The following LITAF variants were observed in gnomAD, a reference collection of about 807,000 sequenced individuals.
LITAF encodes lipopolysaccharide-induced tumor necrosis factor-alpha factor.
LITAF carries 9 observed loss-of-function variants against 14.5 expected under a neutral mutation model. The ratio of observed to expected loss-of-function variants is 0.62; its 90% CI spans 0.37 to 1.08. The LOEUF (loss-of-function observed/expected upper bound fraction) is 1.08. LITAF is among the 50% of genes least tolerant of loss of function. The pLI, the probability that LITAF is intolerant of heterozygous loss-of-function variation, is 0.01. For synonymous variants in LITAF, 98 were observed against 88.2 expected, an observed-to-expected ratio of 1.11 and a Z score of -0.62; for missense variants, 206 against 213.4, an observed-to-expected ratio of 0.97 and a Z score of 0.22.
intron 3 of LITAF, among the ~76,000 whole-genome samples, chr16:11,617,563 A>G (rs2065026388): frequency 6.7e-6 from 1 of 149,526 alleles, no homozygotes; most frequent in Admixed American, 6.9e-5. Context: ...AGTAGCTGGG[A>G]CTACAGGCTC....
chr16:11,554,282 T>G (rs2064233405), intron 2 of LITAF, among the ~76,000 whole-genome samples: 1 of 152,226 alleles, frequency 6.6e-6, no homozygotes, highest in African/African-American at 2.4e-5. Flanking sequence ...CTAGCAGCTC[T>G]TGATAAATAA....
At chr16:11,551,036 CTT>C (rs1489260443) in intron 3 of LITAF, among the ~76,000 whole-genome samples, 2 of 152,200 alleles carry the variant, frequency 1.3e-5, no homozygotes, top group African/African-American at 2.4e-5. Context: ...AATAATGCCT[CTT>C]AACCTACATA....
At chr16:11,578,743 C>A (rs2141822924) in intron 1 of LITAF, among the ~76,000 whole-genome samples, 1 of 152,354 alleles carries the variant, frequency 6.6e-6, no homozygotes, top group South Asian at 2.1e-4. Context: ...GAACCCACAA[C>A]CCCACTGTAA....
chr16:11,615,539 A>G (rs1354466254), intron 3 of LITAF, among the ~76,000 whole-genome samples: 8 of 152,114 alleles, frequency 5.3e-5, no homozygotes, highest in Non-Finnish European at 7.4e-5. Flanking sequence ...CTCCGTCTCA[A>G]TAAATAAATA....
At chr16:11,561,914 A>G (rs947401240) in intron 1 of LITAF, among the ~76,000 whole-genome samples, 25 of 150,974 alleles carry the variant, frequency 1.7e-4, no homozygotes, top group Admixed American at 9.9e-4. Flanking sequence ...TTTAAAAAAG[A>G]GGGAAAGGGA....
chr16:11,611,935 G>GA (rs2064985024), intron 3 of LITAF, among the ~76,000 whole-genome samples: 1 of 152,214 alleles, frequency 6.6e-6, no homozygotes, highest in Non-Finnish European at 1.5e-5. Context: ...AAAGTGCTGG[G>GA]ATGACAGGTG....
At chr16:11,556,826 C>A (rs2064278697) in intron 1 of LITAF, 91 bp from the exon 2 acceptor site, 3 of 1,150,946 alleles carry the variant, frequency 2.6e-6, no homozygotes, top group Non-Finnish European at 3.8e-6. Context: ...TTCTGGCAAA[C>A]AGAAATTCTG....
In LITAF at chr16:11,553,426, A is replaced by G; in HGVS notation, c.377+107T>C. On this transcript the variant is annotated intron_variant, in intron 3 of 3. Coordinates refer to ENST00000622633, the MANE Select transcript of LITAF (RefSeq NM_001136472.2). This position sits in a 1 kb window ranked among gnomAD's most constrained non-coding sequence, Gnocchi z 7.7. ...ATTCCATCTCAAAAAAAAACAACACAAATGTCTGGCCCTGAATGTCAAGCA... is the reference window on the plus strand; with the variant it reads ...ATTCCATCTCAAAAAAAAACAACACGAATGTCTGGCCCTGAATGTCAAGCA... 1 of 1,251,032 alleles carries G rather than the reference A, an allele frequency of 8.0e-7. No homozygotes were observed. The highest frequency in any genetic ancestry group is 1.3e-5 in the South Asian group (1 of 78,652). 77.5% of individuals were successfully genotyped at this position (1,251,032 alleles called of 1,614,324 possible).
upstream of LITAF, chr16:11,587,272 G>C: frequency 2.7e-6 from 1 of 375,720 alleles, no homozygotes; most frequent in Non-Finnish European, 5.4e-6. Context: ...TTTGCCGCTC[G>C]CGGCTCTCCC....
intron 1 of LITAF, among the ~76,000 whole-genome samples, chr16:11,565,202 C>A (rs2064431995): frequency 2.0e-5 from 3 of 151,734 alleles, no homozygotes; most frequent in Middle Eastern, 3.4e-3. Flanking sequence ...CCTGCCTCAG[C>A]CTCCCTAATA....
chr16:11,591,945 G>A (rs539025087), upstream of LITAF, among the ~76,000 whole-genome samples: 12 of 152,208 alleles, frequency 7.9e-5, no homozygotes, highest in Non-Finnish European at 1.6e-4. Flanking sequence ...GTAGAAGAAT[G>A]AAGTTGGATC....
rs1229916817 is a variant in LITAF at position 11,549,310 on chromosome 16, C to T, written c.*327G>A. The T allele has an allele frequency of 2.2e-6, 1 of 450,802 alleles. No individual in the cohort carries two copies. The highest frequency in any genetic ancestry group is 2.4e-5 in the Admixed American group (1 of 42,032). 27.9% of individuals were successfully genotyped at this position (450,802 alleles called of 1,614,324 possible). A position where few individuals can be genotyped will look rare whatever the true frequency, so the allele number is the denominator to read the frequency against. On this transcript the variant is annotated 3_prime_UTR_variant, in exon 4 of 4. Transcript: ENST00000622633. This position sits in a 1 kb window ranked among gnomAD's most constrained non-coding sequence, Gnocchi z 4.6. ...GGCCCATGGAAGCAGGAAAAAAGAG[C>T]CACTGATGGCAGATCACAGGAAGAT...
At chr16:11,593,742 A>T (rs1225200913) in intron 1 of LITAF, among the ~76,000 whole-genome samples, 1 of 152,252 alleles carries the variant, frequency 6.6e-6, no homozygotes, top group East Asian at 1.9e-4. Context: ...AAATGAAACC[A>T]GACACCAAAA....
At chr16:11,579,088 C>G (rs995300408) in intron 1 of LITAF, among the ~76,000 whole-genome samples, 1 of 152,084 alleles carries the variant, frequency 6.6e-6, no homozygotes, top group Admixed American at 6.6e-5. Flanking sequence ...ACTCGGGAGG[C>G]TGAGGCAGGA....
chr16:11,592,115 G>A (rs141042636), upstream of LITAF, among the ~76,000 whole-genome samples: 2,227 of 152,308 alleles, frequency 0.015, 21 homozygotes, highest in Middle Eastern at 0.037. Context: ...TCATCAGAAT[G>A]GAAAACTTTT....
intron 3 of LITAF, among the ~76,000 whole-genome samples, chr16:11,604,276 C>T (rs1289088149): frequency 2.0e-5 from 3 of 152,188 alleles, no homozygotes; most frequent in African/African-American, 4.8e-5. Context: ...TAACTTGGAA[C>T]TACATTCACT....
intron 3 of LITAF, among the ~76,000 whole-genome samples, chr16:11,628,245 G>C (rs2065096397): frequency 6.6e-6 from 1 of 152,128 alleles, no homozygotes; most frequent in Non-Finnish European, 1.5e-5. Flanking sequence ...CCTGAGGTTG[G>C]TGTGGCCCCA....
upstream of LITAF, among the ~76,000 whole-genome samples, chr16:11,639,510 G>C (rs1050935411): frequency 1.3e-5 from 2 of 151,954 alleles, no homozygotes; most frequent in Non-Finnish European, 2.9e-5. Context: ...TGGACAAATA[G>C]GACAAAATGT....
chr16:11,599,614 C>G (rs1215053219), upstream of LITAF, among the ~76,000 whole-genome samples: 1 of 152,154 alleles, frequency 6.6e-6, no homozygotes, highest in Non-Finnish European at 1.5e-5. Context: ...CACCCCCTAC[C>G]TGAGCTCTGG....
Sources: gnomAD v4.1 joint callset for allele counts (sites outside exome capture counted in the v4.1 genomes callset) on GRCh38, gnomAD v4.1.1 for gene constraint, Gnocchi (gnomAD v3.1) non-coding constraint, MANE v1.5 for transcripts, NCBI Gene and HGNC (gene_info 2026-07-23, HGNC 2026-07-21) for gene names.